Variants in SEZ6L observed in about 807,000 individuals in gnomAD.
The protein encoded by SEZ6L is seizure related 6 homolog like.
In SEZ6L, 37 loss-of-function variants were observed where a neutral mutation model predicts 106.2. The observed-to-expected ratio is 0.35, with a 90% CI of 0.27 to 0.46. SEZ6L has a LOEUF of 0.46. Ranked by LOEUF, SEZ6L falls within the 20% of genes least tolerant of loss-of-function variation. The probability of loss-of-function intolerance (pLI) is 1.00; values close to 1 mark genes in which losing one functional copy is unlikely to be tolerated. For missense variants in SEZ6L, 1,172 were observed against 1,332.8 expected (o/e 0.88, Z 1.88); for synonymous variants, 541 against 570.4 (o/e 0.95, Z 0.73).
At position 26,270,184 on chromosome 22, in the gene SEZ6L, G is replaced by A. The variant is rs111239338; in HGVS notation, c.95-22222G>A. On this transcript the variant is annotated intron_variant, in intron 1 of 16. Transcript: ENST00000248933. ...CTGGCACAGAAGGATTGAATAAGAT[G>A]ATGCGTGGTAGAATGTTTAGCCCAG... is the stretch of plus-strand genomic sequence containing the variant. Among the ~76,000 whole-genome samples the A allele has an allele frequency of 1.8e-3, 278 of 152,252 alleles. 2 individuals are homozygous for A. Among genetic ancestry groups the A allele is most frequent in the African/African-American group, 6.5e-3 (269 of 41,538 alleles).
chr22:26,348,576 AAGAAAGAAAG>A (rs376626881), intron 11 of SEZ6L, among the ~76,000 whole-genome samples: 12 of 99,958 alleles, frequency 1.2e-4, no homozygotes, highest in South Asian at 4.1e-4. Context: ...GAAAGAAAGA[AAGAAAGAAAG>A]AGAAAGAAAG....
rs139032179 is a variant in SEZ6L at position 26,315,917 on chromosome 22, G to A, written c.2015+2015G>A. 6.5e-3 allele frequency among the ~76,000 whole-genome samples: 985 copies of A among 151,878 alleles called. 19 individuals carry two copies. Among genetic ancestry groups the A allele is most frequent in the East Asian group, 0.059 (304 of 5,128 alleles). On this transcript the variant is annotated intron_variant, in intron 9 of 16. Transcript: ENST00000248933. ...TACAAACAATTAAAAAAACTAGCCA[G>A]GCATGGTGGCACCTGTAGTCCCAGC...
intron 1 of SEZ6L, among the ~76,000 whole-genome samples, chr22:26,191,789 C>T (rs938328650): frequency 9.9e-5 from 15 of 152,152 alleles, no homozygotes; most frequent in Non-Finnish European, 1.5e-4. Context: ...CAACTAAGTC[C>T]TTTCCCTTCT....
At chr22:26,341,858 C>T (rs2082847990) in intron 10 of SEZ6L, among the ~76,000 whole-genome samples, 1 of 152,188 alleles carries the variant, frequency 6.6e-6, no homozygotes, top group East Asian at 1.9e-4. Flanking sequence ...CTACGGCCAC[C>T]ACTCTAGTCC....
At chr22:26,183,859 A>C (rs969759372) in intron 1 of SEZ6L, among the ~76,000 whole-genome samples, 3 of 152,212 alleles carry the variant, frequency 2.0e-5, no homozygotes, top group African/African-American at 7.2e-5. Context: ...GAAACAAATT[A>C]ATTCCTTTGG....
intron 1 of SEZ6L, among the ~76,000 whole-genome samples, chr22:26,198,293 A>C (rs1164771647): frequency 6.6e-6 from 1 of 152,240 alleles, no homozygotes; most frequent in African/African-American, 2.4e-5. Context: ...TCTGGCCAAT[A>C]TCTAATGGAT....
At chr22:26,316,696 G>A (rs1020788795) in intron 9 of SEZ6L, among the ~76,000 whole-genome samples, 5 of 152,018 alleles carry the variant, frequency 3.3e-5, no homozygotes, top group South Asian at 4.1e-4. Context: ...GCCAGGCGTG[G>A]TGGTGGGTGC....
intron 1 of SEZ6L, among the ~76,000 whole-genome samples, chr22:26,288,032 G>C (rs1417102351): frequency 6.6e-6 from 1 of 152,222 alleles, no homozygotes; most frequent in African/African-American, 2.4e-5. Flanking sequence ...CAGAGAGTAA[G>C]AACAGCAGCT....
intron 1 of SEZ6L, among the ~76,000 whole-genome samples, chr22:26,265,853 G>C (rs1289914664): frequency 3.9e-5 from 6 of 152,140 alleles, no homozygotes; most frequent in Admixed American, 1.3e-4. Context: ...AACCTCTGCT[G>C]CTCCCAGGCC....
At chr22:26,246,650 T>G (rs111965091) in intron 1 of SEZ6L, among the ~76,000 whole-genome samples, 13 of 152,358 alleles carry the variant, frequency 8.5e-5, no homozygotes, top group African/African-American at 2.6e-4. Context: ...TGCAGTCGAT[T>G]AATCCCACAA....
At chr22:26,294,498 G>T in intron 3 of SEZ6L, 73 bp downstream of exon 3, 1 of 1,508,372 alleles carries the variant, frequency 6.6e-7, no homozygotes, top group Admixed American at 1.7e-5. Context: ...TCTGAGTCAG[G>T]CTTACTGTTA....
chr22:26,284,925 T>C (rs2080888786), intron 1 of SEZ6L, among the ~76,000 whole-genome samples: 2 of 151,826 alleles, frequency 1.3e-5, no homozygotes, highest in Admixed American at 6.6e-5. Context: ...TTTTCACCTA[T>C]AAAATGGGAA....
intron 1 of SEZ6L, among the ~76,000 whole-genome samples, chr22:26,225,484 T>A (rs1392290101): frequency 6.6e-6 from 1 of 152,024 alleles, no homozygotes; most frequent in African/African-American, 2.4e-5. Flanking sequence ...GCTGAACACA[T>A]AGAAGGGAAA....
intron 1 of SEZ6L, among the ~76,000 whole-genome samples, chr22:26,235,458 A>G (rs2078929688): frequency 6.6e-6 from 1 of 152,232 alleles, no homozygotes; most frequent in Non-Finnish European, 1.5e-5. Context: ...TATAAGATAC[A>G]GCCACTGCTG....
intron 12 of SEZ6L, among the ~76,000 whole-genome samples, chr22:26,359,382 T>C (rs2083539036): frequency 6.6e-6 from 1 of 152,204 alleles, no homozygotes; most frequent in South Asian, 2.1e-4. Flanking sequence ...AATGGCTGCA[T>C]GGTGCAGTGG....
chr22:26,222,652 T>A (rs1195014757), intron 1 of SEZ6L, among the ~76,000 whole-genome samples: 1 of 151,992 alleles, frequency 6.6e-6, no homozygotes, highest in Non-Finnish European at 1.5e-5. Flanking sequence ...ATAAGACAAA[T>A]CTCAATATCA....
Position 26,380,308 on chromosome 22 carries a change from T to C in SEZ6L, c.*13T>C. The C allele has an allele frequency of 6.2e-7, 1 of 1,611,478 alleles. No homozygotes were observed. Among genetic ancestry groups the C allele is most frequent in the Non-Finnish European group, 8.5e-7 (1 of 1,177,732 alleles). ...GGTTTCTATCTAAAGAGAGCTACACTTGAGAAGGGGACTTGTGAACTCAAC... is the reference window on the plus strand; with the variant it reads ...GGTTTCTATCTAAAGAGAGCTACACCTGAGAAGGGGACTTGTGAACTCAAC... On this transcript the variant is annotated 3_prime_UTR_variant, in exon 17 of 17. Coordinates refer to ENST00000248933, the MANE Select transcript of SEZ6L (RefSeq NM_021115.5).
At chr22:26,246,718 C>G (rs138495200) in intron 1 of SEZ6L, among the ~76,000 whole-genome samples, 1 of 152,174 alleles carries the variant, frequency 6.6e-6, no homozygotes, top group Non-Finnish European at 1.5e-5. Flanking sequence ...TTGTTGAGTA[C>G]GTAGCACTGC....
chr22:26,234,470 T>C (rs987482793), intron 1 of SEZ6L, among the ~76,000 whole-genome samples: 1 of 152,198 alleles, frequency 6.6e-6, no homozygotes, highest in Admixed American at 6.5e-5. Context: ...TCCTTTCTAA[T>C]TTATAGCTCA....
Sources: allele counts gnomAD v4.1 joint callset (sites outside exome capture counted in the v4.1 genomes callset), GRCh38; gene constraint gnomAD v4.1.1; transcripts MANE v1.5; gene names NCBI Gene and HGNC (gene_info 2026-07-23, HGNC 2026-07-21).